Variants in SH3BGR observed in about 807,000 individuals in gnomAD.
SH3BGR encodes SH3 domain binding glutamate rich protein.
In SH3BGR, 29 loss-of-function variants were observed where a neutral mutation model predicts 24.5. The observed-to-expected ratio is 1.18, with a 90% CI of 0.88 to 1.61. SH3BGR has a LOEUF of 1.61. Ranked by LOEUF, SH3BGR falls within the 40% of genes most tolerant of loss-of-function variation. The pLI is 0.00. For missense variants in SH3BGR, 162 were observed against 205.8 expected (o/e 0.79, Z 1.30); for synonymous variants, 55 against 65.7 (o/e 0.84, Z 0.79).
Position 39,471,431 on chromosome 21 carries a change from C to CA in SH3BGR, c.232-3694dup, listed in dbSNP as rs35980354. Among the ~76,000 whole-genome samples, 1,143 of 148,020 alleles carry CA rather than the reference C, an allele frequency of 7.7e-3. 13 individuals carry two copies. The highest frequency in any genetic ancestry group is 0.026 in the African/African-American group (1,072 of 40,482). On this transcript the variant is annotated intron_variant, in intron 2 of 6. Coordinates refer to ENST00000333634, the MANE Select transcript of SH3BGR (RefSeq NM_007341.3). The stretch of plus-strand genomic sequence containing the variant: ...ACCTTGTCTCAAACAATTAAATTAA[C>CA]AAAAAAAAAATGTTTAGCAATTGTA...
intron 6 of SH3BGR, among the ~76,000 whole-genome samples, chr21:39,512,527 G>A (rs899272422): frequency 6.6e-6 from 1 of 152,220 alleles, no homozygotes; most frequent in Non-Finnish European, 1.5e-5. Flanking sequence ...TTTATTAAGT[G>A]TTAATAAGAC....
intron 3 of SH3BGR, among the ~76,000 whole-genome samples, chr21:39,487,988 A>G (rs1248762034): frequency 6.6e-6 from 1 of 152,206 alleles, no homozygotes; most frequent in East Asian, 1.9e-4. Context: ...AAATTCATTC[A>G]AAAGATGTTC....
Position 39,452,134 on chromosome 21 carries a change from C to T in SH3BGR, c.38C>T (p.Ser13Phe), listed in dbSNP as rs1209700472. 5 of 1,614,044 alleles carry T rather than the reference C, an allele frequency of 3.1e-6. No individual in the cohort carries two copies. The highest frequency in any genetic ancestry group is 4.2e-6 in the Non-Finnish European group (5 of 1,180,012). The part of the protein sequence containing the change: ...IKVFVATSSG[S>F]IAIRKKQQEV... Reference sequence around the variant, plus strand: ...GTGTTTGTTGCTACATCTTCTGGGTCCATAGCGGTAGGTGTCTGGTGGACT... The same window carrying T: ...GTGTTTGTTGCTACATCTTCTGGGTTCATAGCGGTAGGTGTCTGGTGGACT... Residue 13 changes from serine to phenylalanine, a missense_variant, in exon 1 of 7, where the codon TCC becomes TTC. Physicochemically the swap from Ser to Phe is radical, Grantham distance 155. Coordinates refer to ENST00000333634, the MANE Select transcript of SH3BGR (RefSeq NM_007341.3).
At chr21:39,462,864 CAGCCTTGCAGTG>C (rs2077777156) in intron 2 of SH3BGR, among the ~76,000 whole-genome samples, 2 of 152,220 alleles carry the variant, frequency 1.3e-5, no homozygotes, top group Non-Finnish European at 2.9e-5. Context: ...GAATTCTGTT[CAGCCTTGCAGTG>C]TGCACACACG....
intron 3 of SH3BGR, among the ~76,000 whole-genome samples, chr21:39,477,795 G>C (rs897643842): frequency 6.6e-6 from 1 of 152,162 alleles, no homozygotes; most frequent in Non-Finnish European, 1.5e-5. Flanking sequence ...AGGGAATTTG[G>C]TTTTGATAAA....
chr21:39,500,159 G>T (rs4818040), intron 4 of SH3BGR, among the ~76,000 whole-genome samples: 79,102 of 151,792 alleles, frequency 0.52, 21,088 homozygotes, highest in East Asian at 0.68. Context: ...GCTGGACAAG[G>T]CTTGGAGAAT....
chr21:39,475,371 T>C (rs1456359998), intron 3 of SH3BGR, among the ~76,000 whole-genome samples, 156 bp downstream of exon 3: 4 of 152,240 alleles, frequency 2.6e-5, no homozygotes, highest in Non-Finnish European at 5.9e-5. Context: ...ATAGAGAGAA[T>C]GCAGTTTTTA....
At chr21:39,477,710 A>G (rs1399162177) in intron 3 of SH3BGR, among the ~76,000 whole-genome samples, 1 of 152,218 alleles carries the variant, frequency 6.6e-6, no homozygotes, top group Non-Finnish European at 1.5e-5. Context: ...AGATATGAGC[A>G]TTTTAATGAC....
At position 39,499,687 on chromosome 21, in the gene SH3BGR, C is replaced by T. The variant is rs368206309; in HGVS notation, c.313-136C>T. ...TCCTATGCTCTAGTCGCTAAGTGAC[C>T]TAATGAGTGGGCAGTCTATGTTTGC... On this transcript the variant is annotated intron_variant, in intron 3 of 6. Coordinates refer to ENST00000333634, the MANE Select transcript of SH3BGR (RefSeq NM_007341.3). 263 of 602,638 alleles carry T rather than the reference C, an allele frequency of 4.4e-4. No homozygotes were observed. The African/African-American group carries it at 4.5e-3, about 10-fold the overall frequency. 37.3% of individuals were successfully genotyped at this position (602,638 alleles called of 1,614,324 possible). A position where few individuals can be genotyped will look rare whatever the true frequency, so the allele number is the denominator to read the frequency against.
chr21:39,503,559 G>A (rs1229889719), intron 4 of SH3BGR, among the ~76,000 whole-genome samples: 1 of 152,156 alleles, frequency 6.6e-6, no homozygotes, highest in Admixed American at 6.5e-5. Flanking sequence ...GTCAGGGACA[G>A]GCTTATCTGA....
upstream of SH3BGR, among the ~76,000 whole-genome samples, chr21:39,447,650 C>T (rs1165115759): frequency 6.6e-6 from 1 of 152,022 alleles, no homozygotes; most frequent in Non-Finnish European, 1.5e-5. Context: ...AACTCCTGAC[C>T]TCAAGTGATC....
rs554366558 is a variant in SH3BGR at position 39,456,933 on chromosome 21, T to G, written c.45+4792T>G. 1.7e-3 allele frequency among the ~76,000 whole-genome samples: 196 copies of G among 112,420 alleles called. 2 individuals carry two copies. Among genetic ancestry groups the G allele is most frequent in the African/African-American group, 5.6e-3 (190 of 33,848 alleles). 73.8% of individuals were successfully genotyped at this position (112,420 alleles called of 152,430 possible). A position where few individuals can be genotyped will look rare whatever the true frequency, so the allele number is the denominator to read the frequency against. On this transcript the variant is annotated intron_variant, in intron 1 of 6. Coordinates refer to ENST00000333634, the MANE Select transcript of SH3BGR (RefSeq NM_007341.3). ...TCCATTGTCTTTTTTATATTGATGG[T>G]ATAAGTGTTAATTAAATTAAATGCG... is the stretch of plus-strand genomic sequence containing the variant.
Position 39,484,732 on chromosome 21 carries a change from C to A in SH3BGR, c.312+9517C>A, listed in dbSNP as rs544890676. On this transcript the variant is annotated intron_variant, in intron 3 of 6. Transcript: ENST00000333634. ...GAGCTTAAGTGACTTGTACAAAGAA[C>A]CCCGCTAATTAGCAGTACAGTTCGT... 7.9e-5 allele frequency among the ~76,000 whole-genome samples: 12 copies of A among 152,294 alleles called. No homozygotes were observed. In the South Asian group the frequency reaches 2.5e-3, roughly 32 times the overall value.
intron 3 of SH3BGR, among the ~76,000 whole-genome samples, chr21:39,493,531 T>C (rs1240898706): frequency 2.6e-5 from 4 of 152,230 alleles, no homozygotes; most frequent in African/African-American, 7.2e-5. Context: ...TATACTATAG[T>C]TTGAAATCAG....
At chr21:39,480,845 ATT>A (rs576544636) in intron 3 of SH3BGR, among the ~76,000 whole-genome samples, 1,572 of 152,288 alleles carry the variant, frequency 0.01, 16 homozygotes, top group Middle Eastern at 0.024. Flanking sequence ...TCTGATGCTC[ATT>A]TCTGTTTAAC....
chr21:39,505,011 C>T (rs2078559268), intron 4 of SH3BGR, among the ~76,000 whole-genome samples: 1 of 152,148 alleles, frequency 6.6e-6, no homozygotes, highest in South Asian at 2.1e-4. Flanking sequence ...TGGGGTCTTG[C>T]TCTGTTGACC....
At chr21:39,473,420 A>G (rs1192146351) in intron 2 of SH3BGR, among the ~76,000 whole-genome samples, 3 of 152,220 alleles carry the variant, frequency 2.0e-5, no homozygotes, top group African/African-American at 4.8e-5. Context: ...GTACTCTGGG[A>G]ATCAATCAGA....
At chr21:39,488,737 G>A (rs1602135630) in intron 3 of SH3BGR, 2 of 455,226 alleles carry the variant, frequency 4.4e-6, no homozygotes, top group Non-Finnish European at 9.0e-6. Flanking sequence ...GCTGGCGGCC[G>A]GGCATGAGGA....
intron 3 of SH3BGR, among the ~76,000 whole-genome samples, chr21:39,479,932 T>A (rs75377595): frequency 0.046 from 6,959 of 152,254 alleles, 290 homozygotes; most frequent in African/African-American, 0.11. Context: ...TCCTTTTCTT[T>A]TTAACATCTT....
Sources: allele counts gnomAD v4.1 joint callset (sites outside exome capture counted in the v4.1 genomes callset), GRCh38; gene constraint gnomAD v4.1.1; transcripts MANE v1.5; gene names NCBI Gene and HGNC (gene_info 2026-07-23, HGNC 2026-07-21).